NALF1: variants seen among roughly 807,000 people sequenced by gnomAD.
NALF1 encodes the protein family with sequence similarity 155 member A.
A neutral mutation model predicts 48.4 loss-of-function variants in NALF1; 3 were observed. The observed-to-expected ratio is 0.06, with a 90% CI of 0.03 to 0.16. NALF1 has a LOEUF of 0.16. NALF1 is among the 10% of genes least tolerant of loss of function. The pLI, the probability that NALF1 is intolerant of heterozygous loss-of-function variation, is 1.00. For synonymous variants in NALF1, 262 were observed against 245.7 expected (o/e 1.07, Z -0.62); for missense variants, 526 against 571.5 (o/e 0.92, Z 0.81).
Position 107,865,964 on chromosome 13 carries a change from A to C in NALF1, c.633T>G (p.His211Gln). 1 of 1,613,162 alleles carries C rather than the reference A, an allele frequency of 6.2e-7. No homozygotes were observed. The highest frequency in any genetic ancestry group is 8.5e-7 in the Non-Finnish European group (1 of 1,179,808). Residue 211 changes from histidine (H) to glutamine (Q), a missense_variant, in exon 1 of 3, where the codon CAT becomes CAG. By Grantham distance (24) the His-to-Gln change is conservative. Around this residue, in one of 2 missense-constraint regions of NALF1, gnomAD observed 373 missense variants for 355.5 expected, o/e 1.05. Coordinates refer to ENST00000375915, the MANE Select transcript of NALF1 (RefSeq NM_001080396.3). Reference sequence around the variant, plus strand: ...CCGACAAGTTCCAGAGCGGAGTGGGATGCTTGCTCCTCACCTCCTGCCCGT... The same window carrying C: ...CCGACAAGTTCCAGAGCGGAGTGGGCTGCTTGCTCCTCACCTCCTGCCCGT... ...GGDGQEVRSK[H>Q]PTPLWNLSDF...
At chr13:107,760,326 A>G (rs1877229627) in intron 1 of NALF1, among the ~76,000 whole-genome samples, 1 of 152,148 alleles carries the variant, frequency 6.6e-6, no homozygotes, top group East Asian at 1.9e-4. Flanking sequence ...AATCAACATG[A>G]TGCTTATTGT....
At chr13:107,657,598 G>A (rs9583184) in intron 1 of NALF1, among the ~76,000 whole-genome samples, 33,624 of 152,018 alleles carry the variant, frequency 0.22, 3,896 homozygotes, top group Middle Eastern at 0.37. Flanking sequence ...CTGTGGGTAG[G>A]AAGTATTTAC....
At chr13:107,392,742 C>T (rs1300618569) in intron 1 of NALF1, among the ~76,000 whole-genome samples, 1 of 152,056 alleles carries the variant, frequency 6.6e-6, no homozygotes, top group African/African-American at 2.4e-5. Flanking sequence ...TGGGGTCTTT[C>T]CGCCCTCTTA....
intron 1 of NALF1, among the ~76,000 whole-genome samples, chr13:107,416,644 T>C (rs57930134): frequency 0.16 from 24,219 of 152,198 alleles, 2,074 homozygotes; most frequent in Middle Eastern, 0.25. Flanking sequence ...CTGTTTATGT[T>C]ATCAGTACAG....
chr13:107,262,764 C>T (rs1318228342), intron 1 of NALF1, among the ~76,000 whole-genome samples: 1 of 126,826 alleles, frequency 7.9e-6, no homozygotes, highest in East Asian at 2.5e-4. Flanking sequence ...GCATAACCCA[C>T]AGGCGCTCTC....
intron 1 of NALF1, among the ~76,000 whole-genome samples, chr13:107,806,587 T>A (rs1312493766): frequency 6.6e-6 from 1 of 152,080 alleles, no homozygotes; most frequent in Admixed American, 6.6e-5. Flanking sequence ...GCAAAAAATG[T>A]CTATACATAA....
chr13:107,634,134 C>A (rs1403164164), intron 1 of NALF1, among the ~76,000 whole-genome samples: 1 of 151,988 alleles, frequency 6.6e-6, no homozygotes, highest in Non-Finnish European at 1.5e-5. Context: ...AGAACATCAA[C>A]TGATTAATCA....
intron 1 of NALF1, among the ~76,000 whole-genome samples, chr13:107,245,860 T>C (rs2138839447): frequency 6.6e-6 from 1 of 152,266 alleles, no homozygotes; most frequent in Admixed American, 6.5e-5. Context: ...TCTAATACTG[T>C]GATTCTACTG....
intron 1 of NALF1, among the ~76,000 whole-genome samples, chr13:107,656,444 G>A (rs547544525): frequency 6.0e-4 from 91 of 151,988 alleles, no homozygotes; most frequent in Non-Finnish European, 1.0e-3. Context: ...AATGCAAATC[G>A]AAACCACAAT....
rs147955762 is a variant in NALF1 at position 107,399,501 on chromosome 13, AAGAG to A, written c.916-188750_916-188747del. Among the ~76,000 whole-genome samples the A allele has an allele frequency of 3.2e-3, 480 of 152,166 alleles. 4 individuals are homozygous for A. Among genetic ancestry groups the A allele is most frequent in the African/African-American group, 0.01 (429 of 41,542 alleles). ...GGGAAGAAATCAATCCAGTTAATGA[AAGAG>A]AGAGGTCCCCCTGCTGCCGGCTCTG... On this transcript the variant is annotated intron_variant, in intron 1 of 2. Coordinates refer to ENST00000375915, the MANE Select transcript of NALF1 (RefSeq NM_001080396.3).
chr13:107,845,698 A>G (rs572884551), intron 1 of NALF1, among the ~76,000 whole-genome samples: 11 of 152,242 alleles, frequency 7.2e-5, no homozygotes, highest in South Asian at 4.1e-4. Flanking sequence ...TTTTGGGAGA[A>G]GACTCCAAAA....
chr13:107,604,133 G>A (rs192591992), intron 1 of NALF1, among the ~76,000 whole-genome samples: 12 of 152,074 alleles, frequency 7.9e-5, no homozygotes, highest in African/African-American at 1.2e-4. Flanking sequence ...TATTAATACC[G>A]TTCCTCCCCC....
At chr13:107,560,383 G>C (rs1402458804) in intron 1 of NALF1, among the ~76,000 whole-genome samples, 1 of 152,048 alleles carries the variant, frequency 6.6e-6, no homozygotes, top group African/African-American at 2.4e-5. Context: ...GGACTTGTCT[G>C]ATGATTTCTT....
intron 1 of NALF1, among the ~76,000 whole-genome samples, chr13:107,497,368 A>C (rs926724945): frequency 3.9e-5 from 6 of 152,222 alleles, no homozygotes; most frequent in African/African-American, 1.4e-4. Context: ...ATTTCTAATA[A>C]TGACCTAAAC....
At chr13:107,415,012 A>G (rs1434115636) in intron 1 of NALF1, among the ~76,000 whole-genome samples, 2 of 152,210 alleles carry the variant, frequency 1.3e-5, no homozygotes, top group East Asian at 3.8e-4. Flanking sequence ...TTGCCTGATA[A>G]AAATCCAAAG....
At chr13:107,206,836 C>G (rs1566450915) in intron 2 of NALF1, among the ~76,000 whole-genome samples, 2 of 151,960 alleles carry the variant, frequency 1.3e-5, no homozygotes, top group African/African-American at 4.8e-5. Flanking sequence ...TTACAGAATA[C>G]TTTTTTTTGA....
At chr13:107,380,136 T>A (rs1883407474) in intron 1 of NALF1, among the ~76,000 whole-genome samples, 1 of 152,170 alleles carries the variant, frequency 6.6e-6, no homozygotes, top group Non-Finnish European at 1.5e-5. Context: ...TCAACTAGCA[T>A]TAGTACTAAT....
chr13:107,710,351 T>A (rs1051688930), intron 1 of NALF1, among the ~76,000 whole-genome samples: 2 of 151,862 alleles, frequency 1.3e-5, no homozygotes, highest in Non-Finnish European at 2.9e-5. Flanking sequence ...TCATATACCA[T>A]CATCATCACC....
chr13:107,280,226 C>T (rs1881360485), intron 1 of NALF1, among the ~76,000 whole-genome samples: 1 of 152,202 alleles, frequency 6.6e-6, no homozygotes, highest in Admixed American at 6.5e-5. Flanking sequence ...AAACTTCCCT[C>T]TTTACTCCAT....
Sources: gnomAD v4.1 joint callset for allele counts (sites outside exome capture counted in the v4.1 genomes callset) on GRCh38, gnomAD v4.1.1 for gene constraint, gnomAD v4.1.1 regional missense constraint, MANE v1.5 for transcripts, NCBI Gene and HGNC (gene_info 2026-07-23, HGNC 2026-07-21) for gene names.